TADA2A: variants seen among roughly 807,000 people sequenced by gnomAD.
TADA2A encodes the protein transcriptional adaptor 2A.
TADA2A carries 38 observed loss-of-function variants against 67.4 expected under a neutral mutation model. The observed-to-expected ratio is 0.56, with a 90% CI of 0.44 to 0.74. TADA2A has a LOEUF of 0.74. TADA2A is among the 30% of genes least tolerant of loss of function. TADA2A has a pLI of 0.00. For missense variants in TADA2A, 454 were observed against 547.0 expected (o/e 0.83, Z 1.70); for synonymous variants, 192 against 181.6 (o/e 1.06, Z -0.46).
intron 4 of TADA2A, among the ~76,000 whole-genome samples, chr17:37,433,277 A>C (rs2052625094): frequency 6.6e-6 from 1 of 152,004 alleles, no homozygotes; most frequent in African/African-American, 2.4e-5. Context: ...TGAAGTTGCA[A>C]ATGTAGTATA....
intron 8 of TADA2A, among the ~76,000 whole-genome samples, chr17:37,455,450 C>T (rs2053364464): frequency 6.6e-6 from 1 of 151,692 alleles, no homozygotes; most frequent in Non-Finnish European, 1.5e-5. Flanking sequence ...GGCGTGATCT[C>T]GGTTCACTGC....
chr17:37,425,314 A>G (rs770950354), intron 3 of TADA2A, among the ~76,000 whole-genome samples: 4 of 152,196 alleles, frequency 2.6e-5, no homozygotes, highest in Non-Finnish European at 4.4e-5. Flanking sequence ...GGAAGAAACA[A>G]TTTTTGTGGG....
chr17:37,417,195 C>T (rs2052077329), intron 2 of TADA2A, among the ~76,000 whole-genome samples: 2 of 151,514 alleles, frequency 1.3e-5, no homozygotes, highest in Non-Finnish European at 2.9e-5. Context: ...GCCTGGCCAA[C>T]ATGGTGAAAC....
chr17:37,415,622 G>C (rs906363619), intron 2 of TADA2A, among the ~76,000 whole-genome samples: 1 of 150,216 alleles, frequency 6.7e-6, no homozygotes. Context: ...GCTCAGGCAT[G>C]TAATCCCAGA....
At chr17:37,423,962 G>A (rs1226949534) in intron 3 of TADA2A, among the ~76,000 whole-genome samples, 1 of 151,700 alleles carries the variant, frequency 6.6e-6, no homozygotes, top group East Asian at 2.0e-4. Context: ...GTTGGTCAGG[G>A]TGGTTTTGAA....
intron 4 of TADA2A, among the ~76,000 whole-genome samples, chr17:37,431,254 T>C (rs1335906705): frequency 1.3e-5 from 2 of 152,170 alleles, no homozygotes; most frequent in African/African-American, 4.8e-5. Flanking sequence ...CATTTTATTA[T>C]CTCCCACAGT....
intron 1 of TADA2A, among the ~76,000 whole-genome samples, chr17:37,409,109 A>C (rs578024695): frequency 2.0e-5 from 3 of 152,122 alleles, no homozygotes; most frequent in Non-Finnish European, 4.4e-5. Flanking sequence ...TTTTTGAGAC[A>C]GGATCTTGCA....
Position 37,422,207 on chromosome 17 carries a change from G to T in TADA2A, c.26-1302G>T, listed in dbSNP as rs1473459473. Among the ~76,000 whole-genome samples the T allele has an allele frequency of 1.4e-5, 2 of 144,960 alleles. 1 individual carries two copies. The highest frequency in any genetic ancestry group is 3.1e-5 in the Non-Finnish European group (2 of 65,142). On this transcript the variant is annotated intron_variant, in intron 2 of 15. Transcript: ENST00000615182. ...ATTACAGGTGTGCACCACCACACCT[G>T]GCTAATTTTTGTGTTTTTAGTAGAG...
At chr17:37,474,494 C>G (rs1051342605) in intron 14 of TADA2A, 62 bp from the exon 15 acceptor site, 8 of 1,545,932 alleles carry the variant, frequency 5.2e-6, no homozygotes, top group Non-Finnish European at 7.1e-6. Flanking sequence ...CTTTTTAATA[C>G]TTTACACCTG....
chr17:37,421,732 C>A (rs1325527298), intron 2 of TADA2A, among the ~76,000 whole-genome samples: 1 of 146,470 alleles, frequency 6.8e-6, no homozygotes, highest in Non-Finnish European at 1.5e-5. Context: ...GTTGAGGCTG[C>A]ATTGAGGCAT....
rs574990142 is a variant in TADA2A, at chr17:37,470,137, T to A, written c.896-263T>A. Among the ~76,000 whole-genome samples the A allele has an allele frequency of 4.6e-5, 7 of 152,324 alleles. No homozygotes were observed. In the South Asian group the frequency reaches 8.3e-4, roughly 18 times the overall value. On this transcript the variant is annotated intron_variant, in intron 12 of 15. Coordinates refer to ENST00000615182, the MANE Select transcript of TADA2A (RefSeq NM_001166105.3). Reference sequence around the variant, plus strand: ...AAATATGAGCAATTCTTACTTTCTTTGTACTTTTCTGTTGGTTTTTTTCCC... The same window carrying A: ...AAATATGAGCAATTCTTACTTTCTTAGTACTTTTCTGTTGGTTTTTTTCCC...
chr17:37,456,675 G>C (rs2053401303), intron 8 of TADA2A, among the ~76,000 whole-genome samples: 1 of 152,052 alleles, frequency 6.6e-6, no homozygotes, highest in Admixed American at 6.6e-5. Context: ...GCAACTGAAG[G>C]GCATGTGAGT....
chr17:37,465,627 C>G, intron 11 of TADA2A, 86 bp downstream of exon 11: 1 of 1,558,646 alleles, frequency 6.4e-7, no homozygotes, highest in Non-Finnish European at 8.7e-7. Context: ...ATGTGAAGTT[C>G]TATAAATAAA....
intron 9 of TADA2A, among the ~76,000 whole-genome samples, chr17:37,460,309 G>A (rs552815216): frequency 6.6e-6 from 1 of 151,838 alleles, no homozygotes; most frequent in East Asian, 1.9e-4. Flanking sequence ...GTAATGGCGC[G>A]ATCTCAGCTC....
chr17:37,412,224 A>T (rs2051900020), intron 2 of TADA2A, among the ~76,000 whole-genome samples: 1 of 151,582 alleles, frequency 6.6e-6, no homozygotes, highest in African/African-American at 2.4e-5. Context: ...AAAAGAAAAA[A>T]AAAAAAAAAA....
Position 37,474,538 on chromosome 17 carries a change from T to G in TADA2A, c.1073-18T>G, listed in dbSNP as rs372779271. 387 of 1,611,888 alleles carry G rather than the reference T, an allele frequency of 2.4e-4. 1 individual carries two copies. The highest frequency in any genetic ancestry group is 7.2e-4 in the Admixed American group (43 of 59,818). ...TCACTCCTATTAAATCTATGCTGTT[T>G]CCTTTCTCTGTCTATAGGTAGACGG... On this transcript the variant is annotated intron_variant, in intron 14 of 15. Transcript: ENST00000615182.
intron 4 of TADA2A, among the ~76,000 whole-genome samples, chr17:37,432,871 G>C (rs2052610678): frequency 7.5e-6 from 1 of 133,182 alleles, no homozygotes; most frequent in South Asian, 2.5e-4. Context: ...GGCATTGTCA[G>C]TTTCATTCAT....
chr17:37,417,375 CA>C (rs1178983269), intron 2 of TADA2A, among the ~76,000 whole-genome samples: 45 of 129,310 alleles, frequency 3.5e-4, no homozygotes, highest in Admixed American at 4.7e-4. Context: ...GACTCCGTCT[CA>C]AAAAAAAAAA....
At chr17:37,450,824 A>C (rs561611806) in intron 8 of TADA2A, among the ~76,000 whole-genome samples, 1 of 152,338 alleles carries the variant, frequency 6.6e-6, no homozygotes, top group South Asian at 2.1e-4. Flanking sequence ...TTATTCATAC[A>C]GTTAAGATAT....
Sources: gnomAD v4.1 joint callset for allele counts (sites outside exome capture counted in the v4.1 genomes callset) on GRCh38, gnomAD v4.1.1 for gene constraint, MANE v1.5 for transcripts, NCBI Gene and HGNC (gene_info 2026-07-23, HGNC 2026-07-21) for gene names.